The following PCNX2 variants were observed in gnomAD, a reference collection of about 807,000 sequenced individuals.
The protein encoded by PCNX2 is pecanex 2.
PCNX2 carries 168 observed loss-of-function variants against 223.8 expected under a neutral mutation model. That is an observed-to-expected ratio of 0.75 (90% CI 0.66 to 0.85). The LOEUF (loss-of-function observed/expected upper bound fraction) is 0.85, where lower values mean the gene tolerates loss of function less well. PCNX2 is among the 40% of genes least tolerant of loss of function. The pLI, the probability that PCNX2 is intolerant of heterozygous loss-of-function variation, is 0.00. For missense variants in PCNX2, 2,507 were observed against 2,675.5 expected (o/e 0.94, Z 1.39); for synonymous variants, 1,006 against 1,052.6 (o/e 0.96, Z 0.86).
intron 1 of PCNX2, among the ~76,000 whole-genome samples, chr1:233,286,888 C>G (rs1243710007): frequency 6.6e-6 from 1 of 152,150 alleles, no homozygotes; most frequent in African/African-American, 2.4e-5. Context: ...ATCCTCATGT[C>G]CCTTCCTACC....
At chr1:233,024,537 A>G (rs1671017133) in intron 26 of PCNX2, among the ~76,000 whole-genome samples, 1 of 152,114 alleles carries the variant, frequency 6.6e-6, no homozygotes, top group African/African-American at 2.4e-5. Context: ...TGAACACTAC[A>G]CATCCTCAGT....
chr1:233,104,306 A>G (rs1295700447), intron 21 of PCNX2, among the ~76,000 whole-genome samples: 1 of 152,154 alleles, frequency 6.6e-6, no homozygotes, highest in Non-Finnish European at 1.5e-5. Flanking sequence ...TATTAAAGTC[A>G]CCTAAAAATT....
At chr1:233,179,392 T>A (rs1407291521) in intron 15 of PCNX2, among the ~76,000 whole-genome samples, 1 of 152,202 alleles carries the variant, frequency 6.6e-6, no homozygotes, top group Non-Finnish European at 1.5e-5. Context: ...TTTGACTAAT[T>A]ATACATACTT....
intron 12 of PCNX2, 89 bp downstream of exon 12, chr1:233,217,810 G>T: frequency 7.0e-7 from 1 of 1,428,730 alleles, no homozygotes; most frequent in Non-Finnish European, 9.7e-7. Flanking sequence ...GCTAGGTACA[G>T]ACTTGGCCCT....
At chr1:233,224,771 A>G (rs754321577) in intron 10 of PCNX2, among the ~76,000 whole-genome samples, 5 of 152,146 alleles carry the variant, frequency 3.3e-5, no homozygotes, top group African/African-American at 4.8e-5. Flanking sequence ...CAATCCTGCT[A>G]ACTGATGACT....
In PCNX2 at chr1:233,000,221, G is replaced by T; in HGVS notation, c.5328+84C>A. 3 of 1,300,524 alleles carry T rather than the reference G, an allele frequency of 2.3e-6. No individual in the cohort carries two copies. Among genetic ancestry groups the T allele is most frequent in the Non-Finnish European group, 3.3e-6 (3 of 897,764 alleles). 80.6% of individuals were successfully genotyped at this position (1,300,524 alleles called of 1,614,324 possible). A position where few individuals can be genotyped will look rare whatever the true frequency, so the allele number is the denominator to read the frequency against. On this transcript the variant is annotated intron_variant, in intron 30 of 33. Coordinates refer to ENST00000258229, the MANE Select transcript of PCNX2 (RefSeq NM_014801.4). The surrounding 1 kb of genome is among the most constrained non-coding windows in gnomAD (Gnocchi z 4.6). ...CTGGCACAGAGACTCCTGTGTCAGTGCCCCCCTGCCCACCACCATTCTATT... is the reference window on the plus strand; with the variant it reads ...CTGGCACAGAGACTCCTGTGTCAGTTCCCCCCTGCCCACCACCATTCTATT...
At chr1:233,123,350 G>A (rs1015839373) in intron 21 of PCNX2, among the ~76,000 whole-genome samples, 1 of 152,142 alleles carries the variant, frequency 6.6e-6, no homozygotes, top group Non-Finnish European at 1.5e-5. Flanking sequence ...GGGAGGCCGA[G>A]GTGGGCGGAT....
intron 21 of PCNX2, among the ~76,000 whole-genome samples, chr1:233,113,977 C>T (rs1675265995): frequency 6.6e-6 from 1 of 152,182 alleles, no homozygotes; most frequent in South Asian, 2.1e-4. Context: ...CTGTGCCTGA[C>T]TGTGTTCTGC....
intron 20 of PCNX2, among the ~76,000 whole-genome samples, chr1:233,136,714 A>G (rs932390484): frequency 4.6e-5 from 7 of 152,214 alleles, no homozygotes; most frequent in African/African-American, 9.6e-5. Flanking sequence ...AAAATACAGT[A>G]TGAAAAGATG....
chr1:233,061,867 C>T (rs942868461), intron 23 of PCNX2, among the ~76,000 whole-genome samples: 2 of 151,858 alleles, frequency 1.3e-5, no homozygotes, highest in Admixed American at 6.6e-5. Flanking sequence ...CAAGCGATTC[C>T]CCTGCCTCAG....
chr1:233,268,075 C>T (rs868795320), intron 1 of PCNX2, among the ~76,000 whole-genome samples: 15 of 152,126 alleles, frequency 9.9e-5, no homozygotes, highest in African/African-American at 3.1e-4. Context: ...CCAAGCCCAG[C>T]TAATTTTTGT....
At chr1:233,274,041 G>C (rs934474236) in intron 1 of PCNX2, among the ~76,000 whole-genome samples, 3 of 152,174 alleles carry the variant, frequency 2.0e-5, no homozygotes, top group Non-Finnish European at 1.5e-5. Flanking sequence ...TAAAGTCATT[G>C]AGATAAACCC....
intron 8 of PCNX2, among the ~76,000 whole-genome samples, chr1:233,246,155 T>C (rs1659106254): frequency 6.6e-6 from 1 of 151,358 alleles, no homozygotes; most frequent in South Asian, 2.1e-4. Flanking sequence ...TCAGATGGGA[T>C]AAATGCCCTT....
chr1:233,021,722 C>G (rs1670896836), intron 26 of PCNX2, among the ~76,000 whole-genome samples: 3 of 152,180 alleles, frequency 2.0e-5, no homozygotes, highest in Non-Finnish European at 4.4e-5. Context: ...ACTCTCCTTT[C>G]TTAAAAAACA....
chr1:233,069,224 T>G (rs894553428), intron 23 of PCNX2, among the ~76,000 whole-genome samples: 1 of 152,030 alleles, frequency 6.6e-6, no homozygotes, highest in African/African-American at 2.4e-5. Context: ...CCAAACCTGA[T>G]AGAACTGAAA....
intron 27 of PCNX2, among the ~76,000 whole-genome samples, chr1:233,016,300 A>G (rs747706072): frequency 1.2e-4 from 18 of 152,194 alleles, no homozygotes; most frequent in Admixed American, 7.2e-4. Context: ...ACAACAACCC[A>G]TGGACTCAGC....
At chr1:233,169,641 T>C (rs148296393) in intron 17 of PCNX2, among the ~76,000 whole-genome samples, 7,776 of 123,328 alleles carry the variant, frequency 0.063, 654 homozygotes, top group African/African-American at 0.2. Flanking sequence ...CGAAACTCCG[T>C]CTCAAAAAAA....
chr1:233,063,060 A>G (rs973807396), intron 23 of PCNX2, among the ~76,000 whole-genome samples: 2 of 152,136 alleles, frequency 1.3e-5, no homozygotes, highest in East Asian at 1.9e-4. Flanking sequence ...AACACAGTGA[A>G]ACCCTGTCTC....
chr1:233,262,979 A>T lies in PCNX2; in HGVS notation c.338T>A (p.Ile113Lys), dbSNP rs1660137107. The change falls in exon 2 of 34, where the codon ATA (isoleucine) becomes AAA (lysine). Residue 113 changes from isoleucine (I) to lysine (K), a missense_variant. Coordinates refer to ENST00000258229, the MANE Select transcript of PCNX2 (RefSeq NM_014801.4). ...NKDKEAKGEH[I>K]TNHRNPSNNR... ...TTACCTTGGATTTCTGTGATTAGTT[A>T]TGTGTTCACCTTTGGCCTCCTTGTC... The T allele has an allele frequency of 3.7e-6, 6 of 1,613,562 alleles. No individual in the cohort carries two copies. The highest frequency in any genetic ancestry group is 5.1e-6 in the Non-Finnish European group (6 of 1,179,720).
Sources: allele counts gnomAD v4.1 joint callset (sites outside exome capture counted in the v4.1 genomes callset), GRCh38; gene constraint gnomAD v4.1.1; non-coding constraint Gnocchi (gnomAD v3.1); transcripts MANE v1.5; gene names NCBI Gene and HGNC (gene_info 2026-07-23, HGNC 2026-07-21).